TRIM71: variants seen among roughly 807,000 people sequenced by gnomAD.
The protein encoded by TRIM71 is E3 ubiquitin-protein ligase TRIM71.
A neutral mutation model predicts 61.2 loss-of-function variants in TRIM71; 9 were observed. That is an observed-to-expected ratio of 0.15 (90% CI 0.09 to 0.26). The LOEUF is 0.26. TRIM71 is among the 10% of genes least tolerant of loss of function. The pLI, the probability that TRIM71 is intolerant of heterozygous loss-of-function variation, is 1.00. For synonymous variants in TRIM71, 645 were observed against 553.2 expected (o/e 1.17, Z -2.33); for missense variants, 998 against 1,238.7 (o/e 0.81, Z 2.92).
chr3:32,826,579 G>GTTT (rs1696204240), intron 1 of TRIM71, among the ~76,000 whole-genome samples: 9 of 48,824 alleles, frequency 1.8e-4, no homozygotes, highest in African/African-American at 5.4e-4. Context: ...CATCAGGTGA[G>GTTT]TTCTTTTTTT....
intron 2 of TRIM71, among the ~76,000 whole-genome samples, chr3:32,877,084 G>T (rs1696858581): frequency 6.6e-6 from 1 of 151,920 alleles, no homozygotes; most frequent in East Asian, 1.9e-4. Context: ...TGATTTCCTA[G>T]AAAGTTTTTG....
rs553354687 is a variant in TRIM71 at position 32,852,980 on chromosome 3, T to C, written c.853-20838T>C. Among the ~76,000 whole-genome samples the C allele has an allele frequency of 2.0e-5, 3 of 152,286 alleles. No homozygotes were observed. In the East Asian group the frequency reaches 5.8e-4, roughly 29 times the overall value. On this transcript the variant is annotated intron_variant, in intron 1 of 3. Transcript: ENST00000383763. ...ATGCAAACACTTGACAGGGACCCCC[T>C]TACTATAGATTTGGTTACCAAGGAA...
intron 1 of TRIM71, among the ~76,000 whole-genome samples, chr3:32,867,833 T>C (rs2125687242): frequency 6.6e-6 from 1 of 152,274 alleles, no homozygotes; most frequent in Middle Eastern, 3.4e-3. Flanking sequence ...GGAACAACTT[T>C]TGTTTTCCAG....
Position 32,827,486 on chromosome 3 carries a change from T to C in TRIM71, c.852+8554T>C, listed in dbSNP as rs561291645. The stretch of plus-strand genomic sequence containing the variant: ...CATATTGGCCAGGCTGGTCTCGAAC[T>C]CCTGACCTCAGGTGATCTGCCGCCT... On this transcript the variant is annotated intron_variant, in intron 1 of 3. Transcript: ENST00000383763. 2.6e-5 allele frequency among the ~76,000 whole-genome samples: 4 copies of C among 152,014 alleles called. No individual in the cohort carries two copies. In the East Asian group the frequency reaches 5.8e-4, roughly 22 times the overall value.
At chr3:32,835,576 G>A (rs946063912) in intron 1 of TRIM71, among the ~76,000 whole-genome samples, 11 of 152,314 alleles carry the variant, frequency 7.2e-5, no homozygotes, top group Middle Eastern at 3.4e-3. Flanking sequence ...CACAACACTT[G>A]TCATTTTAGG....
chr3:32,820,420 T>C (rs540729519), intron 1 of TRIM71, among the ~76,000 whole-genome samples: 1 of 152,360 alleles, frequency 6.6e-6, no homozygotes, highest in East Asian at 1.9e-4. Context: ...TTTTTTTCCG[T>C]TTTTAAACTT....
chr3:32,851,184 C>T lies in TRIM71; in HGVS notation c.853-22634C>T, dbSNP rs1049064581. On this transcript the variant is annotated intron_variant, in intron 1 of 3. Transcript: ENST00000383763. ...AGTTTGTTCTTTTTGATAAGCCTTA[C>T]GTCTCAATTTCCTCCTCACTCTCAC... 2.6e-5 allele frequency among the ~76,000 whole-genome samples: 4 copies of T among 152,108 alleles called. No homozygotes were observed. The East Asian group carries it at 5.8e-4, about 22-fold the overall frequency.
intron 1 of TRIM71, among the ~76,000 whole-genome samples, chr3:32,844,169 C>A (rs1696444600): frequency 6.6e-6 from 1 of 152,132 alleles, no homozygotes; most frequent in Non-Finnish European, 1.5e-5. Context: ...TTGGTTAGCC[C>A]TGGGGCTCCC....
At chr3:32,862,998 T>G (rs1300950705) in intron 1 of TRIM71, among the ~76,000 whole-genome samples, 1 of 152,126 alleles carries the variant, frequency 6.6e-6, no homozygotes, top group African/African-American at 2.4e-5. Flanking sequence ...GAAAAAATGG[T>G]AGCAACCTAT....
At chr3:32,824,857 C>T (rs554315300) in intron 1 of TRIM71, among the ~76,000 whole-genome samples, 31 of 152,064 alleles carry the variant, frequency 2.0e-4, no homozygotes, top group Non-Finnish European at 3.8e-4. Flanking sequence ...TTCAGTGGCG[C>T]GATCTTGGCT....
chr3:32,838,318 A>T (rs1232707505), intron 1 of TRIM71, among the ~76,000 whole-genome samples: 1 of 151,956 alleles, frequency 6.6e-6, no homozygotes, highest in African/African-American at 2.4e-5. Flanking sequence ...TCCTCTTCCC[A>T]GGTTCAAGTG....
chr3:32,838,022 A>T (rs187935718), intron 1 of TRIM71, among the ~76,000 whole-genome samples: 146 of 152,284 alleles, frequency 9.6e-4, no homozygotes, highest in Non-Finnish European at 1.5e-3. Flanking sequence ...TGCTCAATCA[A>T]CACACTTTTC....
intron 1 of TRIM71, among the ~76,000 whole-genome samples, chr3:32,863,221 T>TG: frequency 1.4e-5 from 1 of 72,284 alleles, no homozygotes; most frequent in Non-Finnish European, 3.1e-5. Flanking sequence ...TTTTTTTTTT[T>TG]GGAGCTGGTC....
At chr3:32,889,559 A>AATTATTATT (rs35065462) in intron 3 of TRIM71, among the ~76,000 whole-genome samples, 1,955 of 139,574 alleles carry the variant, frequency 0.014, 25 homozygotes, top group Middle Eastern at 0.019. Flanking sequence ...GTTTTGTCCC[A>AATTATTATT]ATTATTATTA....
At position 32,868,968 on chromosome 3, in the gene TRIM71, A is replaced by G. The variant is rs79549068; in HGVS notation, c.853-4850A>G. ...CTTCTGCTGAGGGTTTGGGCTGCAG[A>G]TTTGAGCACAAGCACTCAGTCTATC... On this transcript the variant is annotated intron_variant, in intron 1 of 3. Coordinates refer to ENST00000383763, the MANE Select transcript of TRIM71 (RefSeq NM_001039111.3). 0.016 allele frequency among the ~76,000 whole-genome samples: 2,439 copies of G among 152,232 alleles called. 168 individuals carry two copies. The East Asian group carries it at 0.24, about 15-fold the overall frequency.
intron 1 of TRIM71, among the ~76,000 whole-genome samples, chr3:32,872,267 TAA>T (rs1161124764): frequency 6.6e-6 from 1 of 152,210 alleles, no homozygotes; most frequent in East Asian, 1.9e-4. Flanking sequence ...TTCTGAATCG[TAA>T]AGTTTCTAGA....
In TRIM71 at chr3:32,818,806, G is replaced by T; in HGVS notation, c.726G>T (p.Pro242=). Residue 242 remains proline, a synonymous_variant, in exon 1 of 4, where the codon CCG becomes CCT. Transcript: ENST00000383763. ...AGGACCACTACATCGAGCGCGGCCC[G>T]CCGGGTCCCGGTGCCGCAGCAGCGG... The part of the protein sequence containing the change: ...LTKDHYIERG[P]PGPGAAAAAQ... The T allele has an allele frequency of 1.2e-6, 2 of 1,608,698 alleles. No individual in the cohort carries two copies. The highest frequency in any genetic ancestry group is 1.1e-5 in the South Asian group (1 of 90,860).
At chr3:32,889,012 T>C (rs1696993502) in intron 3 of TRIM71, among the ~76,000 whole-genome samples, 1 of 152,220 alleles carries the variant, frequency 6.6e-6, no homozygotes, top group Non-Finnish European at 1.5e-5. Flanking sequence ...TGTCCCTCAG[T>C]GCTCTTTGTC....
intron 1 of TRIM71, among the ~76,000 whole-genome samples, chr3:32,836,526 T>G (rs1013025782): frequency 3.3e-5 from 5 of 152,224 alleles, no homozygotes; most frequent in African/African-American, 1.2e-4. Context: ...TTTTAAATTT[T>G]TAGTGTGATA....
Sources: allele counts gnomAD v4.1 joint callset (sites outside exome capture counted in the v4.1 genomes callset), GRCh38; gene constraint gnomAD v4.1.1; transcripts MANE v1.5; gene names NCBI Gene and HGNC (gene_info 2026-07-23, HGNC 2026-07-21).